SGPP2: variants seen among roughly 807,000 people sequenced by gnomAD.
The protein encoded by SGPP2 is sphingosine 1-phosphate phosphohydrolase 2.
In SGPP2, 30 loss-of-function variants were observed where a neutral mutation model predicts 33.9. The ratio of observed to expected loss-of-function variants is 0.89; its 90% confidence interval spans 0.66 to 1.20. The LOEUF is 1.20. Ranked by LOEUF, SGPP2 falls within the 50% of genes most tolerant of loss-of-function variation. The pLI is 0.00. For synonymous variants in SGPP2, 233 were observed against 225.0 expected (o/e 1.04, Z -0.32); for missense variants, 458 against 532.1 (o/e 0.86, Z 1.37).
chr2:222,453,057 G>A (rs1316222430), intron 1 of SGPP2: 42 of 1,384,852 alleles, frequency 3.0e-5, no homozygotes, highest in Admixed American at 6.7e-5. Context: ...CTTTTGTGGC[G>A]CTATTCTCTG....
chr2:222,438,384 ACC>A (rs534190278), intron 1 of SGPP2, among the ~76,000 whole-genome samples: 2,046 of 152,308 alleles, frequency 0.013, 20 homozygotes, highest in Middle Eastern at 0.034. Flanking sequence ...CATGTAATGG[ACC>A]AGTGTGATAT....
At chr2:222,450,313 T>C (rs1303917274) in intron 1 of SGPP2, among the ~76,000 whole-genome samples, 1 of 152,248 alleles carries the variant, frequency 6.6e-6, no homozygotes, top group African/African-American at 2.4e-5. Context: ...TTCCTGGGAC[T>C]AATGGCTTTA....
chr2:222,470,611 T>A (rs1697824057), intron 1 of SGPP2, among the ~76,000 whole-genome samples: 1 of 146,134 alleles, frequency 6.8e-6, no homozygotes, highest in African/African-American at 2.8e-5. Flanking sequence ...TCTTTTCAAT[T>A]GTTTACTAGG....
intron 2 of SGPP2, among the ~76,000 whole-genome samples, chr2:222,494,786 T>C (rs1698250782): frequency 1.3e-5 from 2 of 152,258 alleles, no homozygotes; most frequent in South Asian, 4.1e-4. Flanking sequence ...TGCCAAAGAC[T>C]GTACCTCTCT....
At chr2:222,512,004 TTTTA>T (rs34621381) in intron 2 of SGPP2, among the ~76,000 whole-genome samples, 8 of 147,784 alleles carry the variant, frequency 5.4e-5, no homozygotes, top group South Asian at 2.3e-4. Context: ...TAAAATAAAC[TTTTA>T]TTTATTTATT....
Position 222,481,730 on chromosome 2 carries a change from A to G in SGPP2, c.378+7004A>G, listed in dbSNP as rs563582430. Among the ~76,000 whole-genome samples, 20 of 152,236 alleles carry G rather than the reference A, an allele frequency of 1.3e-4. No individual in the cohort carries two copies. The South Asian group carries it at 4.1e-3, about 32-fold the overall frequency. On this transcript the variant is annotated intron_variant, in intron 2 of 4. Coordinates refer to ENST00000321276, the MANE Select transcript of SGPP2 (RefSeq NM_152386.4). ...TTCTGGTGTGTAGTTTCCCTGCATAAAAGAGCTTACTGTGGGGGGTGACCA... is the reference window on the plus strand; with the variant it reads ...TTCTGGTGTGTAGTTTCCCTGCATAGAAGAGCTTACTGTGGGGGGTGACCA...
chr2:222,472,419 A>G (rs1489627700), intron 1 of SGPP2, among the ~76,000 whole-genome samples: 1 of 152,130 alleles, frequency 6.6e-6, no homozygotes, highest in Non-Finnish European at 1.5e-5. Flanking sequence ...GTCATGAGTC[A>G]TGGGTCTAGG....
At chr2:222,453,216 T>A (rs983249835) in intron 1 of SGPP2, 62 of 773,276 alleles carry the variant, frequency 8.0e-5, no homozygotes, top group Non-Finnish European at 1.0e-4. Context: ...GGCCCACAAA[T>A]GACAGGCATA....
chr2:222,467,247 GC>G (rs1205525120), intron 1 of SGPP2, among the ~76,000 whole-genome samples: 17 of 152,042 alleles, frequency 1.1e-4, no homozygotes, highest in Admixed American at 1.1e-3. Context: ...TTAACAAGAT[GC>G]CCAGGTCATT....
intron 3 of SGPP2, 106 bp downstream of exon 3, chr2:222,522,052 G>T: frequency 1.9e-6 from 2 of 1,029,948 alleles, no homozygotes; most frequent in Non-Finnish European, 2.7e-6. Context: ...TAAGGTTTAT[G>T]AAATAAAGAT....
intron 2 of SGPP2, among the ~76,000 whole-genome samples, chr2:222,514,164 C>G (rs1372219282): frequency 6.6e-6 from 1 of 152,148 alleles, no homozygotes. Context: ...CATGTCTACA[C>G]TAGGCTATTT....
At chr2:222,487,567 G>A (rs552890261) in intron 2 of SGPP2, among the ~76,000 whole-genome samples, 7 of 152,264 alleles carry the variant, frequency 4.6e-5, no homozygotes, top group South Asian at 2.1e-4. Flanking sequence ...TGCATCTGCC[G>A]TCTGTTGTGC....
chr2:222,461,717 A>G (rs1053856824), intron 1 of SGPP2, among the ~76,000 whole-genome samples: 1 of 151,990 alleles, frequency 6.6e-6, no homozygotes, highest in Non-Finnish European at 1.5e-5. Context: ...TTGTGCTCCT[A>G]TGAGAATCTA....
At chr2:222,544,529 C>T (rs76928419) in intron 4 of SGPP2, among the ~76,000 whole-genome samples, 2 of 152,086 alleles carry the variant, frequency 1.3e-5, no homozygotes, top group East Asian at 3.8e-4. Context: ...GCCTATCCTC[C>T]TATACATTTT....
chr2:222,538,560 C>T (rs1698947988), intron 4 of SGPP2, among the ~76,000 whole-genome samples: 1 of 152,140 alleles, frequency 6.6e-6, no homozygotes, highest in African/African-American at 2.4e-5. Flanking sequence ...CAGTTTGTGC[C>T]AAGTCCTCTG....
At position 222,465,129 on chromosome 2, in the gene SGPP2, C is replaced by T. The variant is rs149688326; in HGVS notation, c.220-9439C>T. Among the ~76,000 whole-genome samples the T allele has an allele frequency of 1.7e-3, 266 of 152,318 alleles. 4 individuals carry two copies. In the East Asian group the frequency reaches 0.036, roughly 21 times the overall value. ...GGGATCCCGACAAACGCCCACTAAGCAGGTGACAGTGATGAGTGTGCAGTT... is the reference window on the plus strand; with the variant it reads ...GGGATCCCGACAAACGCCCACTAAGTAGGTGACAGTGATGAGTGTGCAGTT... On this transcript the variant is annotated intron_variant, in intron 1 of 4. Coordinates refer to ENST00000321276, the MANE Select transcript of SGPP2 (RefSeq NM_152386.4). This position sits in a 1 kb window ranked among gnomAD's most constrained non-coding sequence, Gnocchi z 4.1.
intron 2 of SGPP2, 95 bp from the exon 3 acceptor site, chr2:222,521,672 A>G: frequency 7.3e-7 from 1 of 1,379,008 alleles, no homozygotes; most frequent in Non-Finnish European, 9.8e-7. Flanking sequence ...GCCTTCAATC[A>G]ACAACCTGAG....
chr2:222,441,906 G>A (rs1697330762), intron 1 of SGPP2, among the ~76,000 whole-genome samples: 1 of 152,132 alleles, frequency 6.6e-6, no homozygotes, highest in African/African-American at 2.4e-5. Context: ...ATTAAACTAT[G>A]TGAAGTACTC....
At chr2:222,473,082 G>A (rs1697873098) in intron 1 of SGPP2, among the ~76,000 whole-genome samples, 1 of 152,198 alleles carries the variant, frequency 6.6e-6, no homozygotes, top group South Asian at 2.1e-4. Flanking sequence ...CCCATGGGTA[G>A]CCTGGCCTAC....
Sources: gnomAD v4.1 joint callset for allele counts (sites outside exome capture counted in the v4.1 genomes callset) on GRCh38, gnomAD v4.1.1 for gene constraint, Gnocchi (gnomAD v3.1) non-coding constraint, MANE v1.5 for transcripts, NCBI Gene and HGNC (gene_info 2026-07-23, HGNC 2026-07-21) for gene names.